The following PLAAT3 variants were observed in gnomAD, a reference collection of about 807,000 sequenced individuals.
PLAAT3 encodes phospholipase A and acyltransferase 3.
A neutral mutation model predicts 16.7 loss-of-function variants in PLAAT3; 21 were observed. The ratio of observed to expected loss-of-function variants is 1.26; its 90% CI spans 0.89 to 1.81. The LOEUF is 1.81. PLAAT3 is among the 40% of genes most tolerant of loss of function. The pLI is 0.00. For synonymous variants in PLAAT3, 76 were observed against 81.7 expected (o/e 0.93, Z 0.38); for missense variants, 219 against 213.7 (o/e 1.02, Z -0.16).
intron 4 of PLAAT3, among the ~76,000 whole-genome samples, chr11:63,583,314 T>C (rs1937875625): frequency 6.6e-6 from 1 of 152,170 alleles, no homozygotes; most frequent in African/African-American, 2.4e-5. Flanking sequence ...AAATCACTTG[T>C]ATCCAGCATT....
At chr11:63,615,034 A>ATATATACATATATATATG (rs1938799552), upstream of PLAAT3, among the ~76,000 whole-genome samples, 1 of 28,060 alleles carries the variant, frequency 3.6e-5, no homozygotes, top group African/African-American at 7.0e-5. Flanking sequence ...ATATGTGTGT[A>ATATATACATATATATATG]TATATATGTA....
At chr11:63,586,556 T>C (rs1003007119) in intron 4 of PLAAT3, among the ~76,000 whole-genome samples, 2 of 152,230 alleles carry the variant, frequency 1.3e-5, no homozygotes, top group East Asian at 1.9e-4. Flanking sequence ...AAGTATCTTA[T>C]TGCTTCCCAA....
At chr11:63,586,334 A>G (rs866911055) in intron 4 of PLAAT3, among the ~76,000 whole-genome samples, 1 of 152,130 alleles carries the variant, frequency 6.6e-6, no homozygotes, top group East Asian at 1.9e-4. Flanking sequence ...GGGTTTCACC[A>G]TGTTGGCCAG....
chr11:63,615,186 A>ATGTG (rs1194813683), upstream of PLAAT3, among the ~76,000 whole-genome samples: 10 of 105,300 alleles, frequency 9.5e-5, no homozygotes, highest in Admixed American at 2.8e-4. Context: ...ATGTGTGTAT[A>ATGTG]TATATGTGTG....
chr11:63,596,630 T>C (rs1468937368), intron 3 of PLAAT3, among the ~76,000 whole-genome samples: 1 of 151,612 alleles, frequency 6.6e-6, no homozygotes, highest in African/African-American at 2.4e-5. Context: ...GGCATTAGAT[T>C]CTCATAAGGA....
At chr11:63,584,518 G>GT (rs1217065281) in intron 4 of PLAAT3, among the ~76,000 whole-genome samples, 1,148 of 114,162 alleles carry the variant, frequency 0.01, 8 homozygotes, top group Middle Eastern at 0.026. Flanking sequence ...GTTTTTTTTT[G>GT]TTTTTTTTTT....
chr11:63,580,493 A>C (rs1166440815), intron 4 of PLAAT3, among the ~76,000 whole-genome samples: 1 of 152,112 alleles, frequency 6.6e-6, no homozygotes, highest in Non-Finnish European at 1.5e-5. Context: ...ATCTCTACTA[A>C]AAATACAAAA....
chr11:63,614,311 G>A, intron 1 of PLAAT3, 74 bp downstream of exon 1: 1 of 456,404 alleles, frequency 2.2e-6, no homozygotes. Flanking sequence ...TCTCTTCCTC[G>A]CGGAAGGGGA....
intron 4 of PLAAT3, among the ~76,000 whole-genome samples, chr11:63,584,085 C>CA (rs549428759): frequency 4.0e-4 from 61 of 152,016 alleles, no homozygotes; most frequent in African/African-American, 1.3e-3. Context: ...ATCAAGTATA[C>CA]AAAAAATAAT....
At chr11:63,580,489 A>G (rs1372141770) in intron 4 of PLAAT3, among the ~76,000 whole-genome samples, 1 of 152,108 alleles carries the variant, frequency 6.6e-6, no homozygotes, top group Non-Finnish European at 1.5e-5. Flanking sequence ...CCCCATCTCT[A>G]CTAAAAATAC....
intron 4 of PLAAT3, among the ~76,000 whole-genome samples, chr11:63,579,490 T>TAG (rs1168390069): frequency 4.6e-5 from 7 of 151,836 alleles, no homozygotes; most frequent in Non-Finnish European, 8.8e-5. Context: ...CCAATAATGA[T>TAG]AGACTGGATT....
intron 3 of PLAAT3, among the ~76,000 whole-genome samples, chr11:63,592,684 G>A (rs929595337): frequency 6.6e-6 from 1 of 152,110 alleles, no homozygotes; most frequent in African/African-American, 2.4e-5. Flanking sequence ...ATGCAACCTT[G>A]GGTAAGTTTC....
At chr11:63,584,700 C>T (rs539400313) in intron 4 of PLAAT3, among the ~76,000 whole-genome samples, 1 of 151,930 alleles carries the variant, frequency 6.6e-6, no homozygotes. Context: ...ATAGTAGAGA[C>T]GGGGTTTCAC....
Position 63,600,905 on chromosome 11 carries a change from A to G in PLAAT3, c.16-2742T>C, listed in dbSNP as rs570945992. On this transcript the variant is annotated intron_variant, in intron 2 of 4. Coordinates refer to ENST00000415826, the MANE Select transcript of PLAAT3 (RefSeq NM_001128203.2). ...AGGCGTGAGCCACCACGCCCGGCCT[A>G]CTCTTCTACATCCTGAATGTGGCAA... Among the ~76,000 whole-genome samples, 240 of 151,182 alleles carry G rather than the reference A, an allele frequency of 1.6e-3. 1 individual carries two copies. Among genetic ancestry groups the G allele is most frequent in the African/African-American group, 5.6e-3 (233 of 41,268 alleles).
upstream of PLAAT3, among the ~76,000 whole-genome samples, chr11:63,614,767 G>A (rs995177985): frequency 6.6e-6 from 1 of 151,758 alleles, no homozygotes; most frequent in African/African-American, 2.4e-5. Context: ...TGTAATCTCA[G>A]CACTTTGGGA....
chr11:63,590,573 T>C (rs1938127688), intron 3 of PLAAT3, among the ~76,000 whole-genome samples: 1 of 151,914 alleles, frequency 6.6e-6, no homozygotes, highest in Non-Finnish European at 1.5e-5. Context: ...TGAAAGGGAG[T>C]GAAGTTCCAT....
intron 4 of PLAAT3, among the ~76,000 whole-genome samples, chr11:63,580,215 G>A (rs1937766059): frequency 6.6e-6 from 1 of 152,218 alleles, no homozygotes; most frequent in Non-Finnish European, 1.5e-5. Flanking sequence ...AGTACCAGGT[G>A]TAAAGAATAA....
rs543690756 is a variant in PLAAT3 at position 63,578,000 on chromosome 11, C to T, written c.388-2954G>A. ...AAATAAAATAAAAAACAGAACAATCCGGCTGGGTGCAGTGGCTCAAGTCTG... is the reference window on the plus strand; with the variant it reads ...AAATAAAATAAAAAACAGAACAATCTGGCTGGGTGCAGTGGCTCAAGTCTG... On this transcript the variant is annotated intron_variant, in intron 4 of 4. Transcript: ENST00000415826. 9.9e-5 allele frequency among the ~76,000 whole-genome samples: 15 copies of T among 151,906 alleles called. No individual in the cohort carries two copies. The South Asian group carries it at 2.9e-3, about 30-fold the overall frequency.
chr11:63,595,252 C>G (rs959494526), intron 3 of PLAAT3, among the ~76,000 whole-genome samples: 5 of 148,924 alleles, frequency 3.4e-5, no homozygotes, highest in Non-Finnish European at 7.4e-5. Context: ...GATCATGCCC[C>G]TGCACTCCAG....
Sources: allele counts gnomAD v4.1 joint callset (sites outside exome capture counted in the v4.1 genomes callset), GRCh38; gene constraint gnomAD v4.1.1; transcripts MANE v1.5; gene names NCBI Gene and HGNC (gene_info 2026-07-23, HGNC 2026-07-21).